GALNT11: variants seen among roughly 807,000 people sequenced by gnomAD.
The protein encoded by GALNT11 is UDP-GalNAc:polypeptide N-acetylgalactosaminyltransferase 11.
In GALNT11, 47 loss-of-function variants were observed where a neutral mutation model predicts 72.7. That is an observed-to-expected ratio of 0.65 (90% CI 0.51 to 0.82). The LOEUF (loss-of-function observed/expected upper bound fraction) is 0.82. Ranked by LOEUF, GALNT11 falls within the 40% of genes least tolerant of loss-of-function variation. GALNT11 has a pLI of 0.00. For missense variants in GALNT11, 677 were observed against 778.4 expected, an observed-to-expected ratio of 0.87 and a Z score of 1.55; for synonymous variants, 270 against 286.6, an observed-to-expected ratio of 0.94 and a Z score of 0.58.
chr7:152,119,017 A>G (rs2089170477), intron 10 of GALNT11: 2 of 348,640 alleles, frequency 5.7e-6, no homozygotes, highest in Non-Finnish European at 1.0e-5. Flanking sequence ...AACCTCCAGC[A>G]TAAATGGGTT....
chr7:152,113,252 A>T lies in GALNT11; in HGVS notation c.1087A>T (p.Met363Leu). The stretch of plus-strand genomic sequence containing the variant: ...TGTTTTTGCTTCTGGCCAGATCTGG[A>T]TGTGTGGCGGTAAGCTCTTCATCAT... Reference protein sequence around the residue: ...ENLEISFRIWMCGGKLFIIPC... With the variant: ...ENLEISFRIWLCGGKLFIIPC... The change falls in exon 8 of 12, where the codon ATG (methionine) becomes TTG (leucine). Residue 363 changes from methionine to leucine, a missense_variant. By Grantham distance (15) the Met-to-Leu change is conservative. Coordinates refer to ENST00000430044, the MANE Select transcript of GALNT11 (RefSeq NM_022087.4). 1 of 1,612,844 alleles carries T rather than the reference A, an allele frequency of 6.2e-7. No individual in the cohort carries two copies. Among genetic ancestry groups the T allele is most frequent in the Non-Finnish European group, 8.5e-7 (1 of 1,179,456 alleles).
intron 2 of GALNT11, among the ~76,000 whole-genome samples, chr7:152,098,461 T>A (rs978768501): frequency 8.6e-5 from 13 of 152,044 alleles, no homozygotes; most frequent in Non-Finnish European, 1.2e-4. Flanking sequence ...AATTTAAAAT[T>A]AAAAACATTT....
intron 1 of GALNT11, among the ~76,000 whole-genome samples, chr7:152,065,202 T>G (rs1368801449): frequency 1.3e-5 from 2 of 152,254 alleles, no homozygotes; most frequent in African/African-American, 4.8e-5. Context: ...TTTCATTCAT[T>G]TGATCTTCAA....
chr7:152,036,166 T>A (rs189117399), intron 1 of GALNT11, among the ~76,000 whole-genome samples: 1 of 152,374 alleles, frequency 6.6e-6, no homozygotes, highest in East Asian at 1.9e-4. Flanking sequence ...AGTCATGCTG[T>A]TGTGCTATCA....
chr7:152,052,750 T>C (rs1036947415), intron 1 of GALNT11, among the ~76,000 whole-genome samples: 5 of 152,250 alleles, frequency 3.3e-5, no homozygotes, highest in African/African-American at 1.2e-4. Flanking sequence ...TCTCCTTTGC[T>C]ATTATTTTCG....
chr7:152,112,493 C>T lies in GALNT11; in HGVS notation c.1081-753C>T, dbSNP rs113024863. Among the ~76,000 whole-genome samples, 137 of 151,148 alleles carry T rather than the reference C, an allele frequency of 9.1e-4. 1 individual carries two copies. The highest frequency in any genetic ancestry group is 3.1e-3 in the African/African-American group (127 of 41,190). ...GAGGCAGAGGTTGCAGTGAGCCAAG[C>T]GCCACTGCACTCTAGCCGGGGGGAC... is the stretch of plus-strand genomic sequence containing the variant. On this transcript the variant is annotated intron_variant, in intron 7 of 11. Coordinates refer to ENST00000430044, the MANE Select transcript of GALNT11 (RefSeq NM_022087.4).
intron 1 of GALNT11, among the ~76,000 whole-genome samples, chr7:152,050,140 G>A (rs73161879): frequency 0.23 from 34,272 of 151,818 alleles, 4,893 homozygotes; most frequent in Admixed American, 0.31. Context: ...GCAAGACAAA[G>A]TCCCCTTTGC....
At chr7:152,046,203 C>G (rs945032404) in intron 1 of GALNT11, among the ~76,000 whole-genome samples, 1 of 152,010 alleles carries the variant, frequency 6.6e-6, no homozygotes, top group East Asian at 1.9e-4. Flanking sequence ...GCTTTTAGAC[C>G]TCAAGGATAG....
At chr7:152,081,856 T>G (rs761194082) in intron 1 of GALNT11, among the ~76,000 whole-genome samples, 6 of 152,186 alleles carry the variant, frequency 3.9e-5, no homozygotes, top group Non-Finnish European at 7.3e-5. Flanking sequence ...ATATATACTT[T>G]TCTCATCTTT....
At chr7:152,059,705 G>C (rs1343077690) in intron 1 of GALNT11, among the ~76,000 whole-genome samples, 1 of 152,140 alleles carries the variant, frequency 6.6e-6, no homozygotes, top group Non-Finnish European at 1.5e-5. Context: ...TGATTAGTAG[G>C]TCTCAACAGT....
At chr7:152,113,198 CACA>C (rs1171804037) in intron 7 of GALNT11, 45 bp from the exon 8 acceptor site, 6 of 1,533,058 alleles carry the variant, frequency 3.9e-6, no homozygotes, top group East Asian at 2.3e-5. Context: ...ACATTGGTTT[CACA>C]ACAACATGAG....
intron 2 of GALNT11, among the ~76,000 whole-genome samples, chr7:152,097,805 A>G (rs1422346172): frequency 6.6e-6 from 1 of 152,266 alleles, no homozygotes; most frequent in Non-Finnish European, 1.5e-5. Context: ...AGGCAGGTCC[A>G]TGGAGACAGA....
chr7:152,081,404 G>A (rs2085316652), intron 1 of GALNT11, among the ~76,000 whole-genome samples: 1 of 152,202 alleles, frequency 6.6e-6, no homozygotes, highest in Non-Finnish European at 1.5e-5. Context: ...TGATGATGAT[G>A]CCGGAATGTA....
At chr7:152,090,493 C>CT (rs2085940955) in intron 1 of GALNT11, among the ~76,000 whole-genome samples, 1 of 152,218 alleles carries the variant, frequency 6.6e-6, no homozygotes, top group Non-Finnish European at 1.5e-5. Context: ...TACTTAGGTT[C>CT]TGTAGAAATC....
At chr7:152,065,806 C>T (rs762936292) in intron 1 of GALNT11, among the ~76,000 whole-genome samples, 26 of 152,176 alleles carry the variant, frequency 1.7e-4, no homozygotes, top group Non-Finnish European at 2.8e-4. Context: ...CTGAAAGCGT[C>T]ATCTCAGAGG....
rs113147141 is a variant in GALNT11, at chr7:152,074,678, C to T, written c.-38-19512C>T. 4.8e-3 allele frequency among the ~76,000 whole-genome samples: 727 copies of T among 152,192 alleles called. 7 individuals are homozygous for T. Among genetic ancestry groups the T allele is most frequent in the African/African-American group, 0.017 (696 of 41,518 alleles). On this transcript the variant is annotated intron_variant, in intron 1 of 11. Transcript: ENST00000430044. Reference sequence around the variant, plus strand: ...TGAAGTGTGAGGGAGGGTGGGAGTTCTGGAATCTGGTTAAATCTCAGTCTG... The same window carrying T: ...TGAAGTGTGAGGGAGGGTGGGAGTTTTGGAATCTGGTTAAATCTCAGTCTG...
intron 2 of GALNT11, among the ~76,000 whole-genome samples, chr7:152,095,626 A>G (rs2086322189): frequency 6.6e-6 from 1 of 152,232 alleles, no homozygotes; most frequent in African/African-American, 2.4e-5. Context: ...TTCAATTTTC[A>G]TAAAGTACAA....
intron 1 of GALNT11, among the ~76,000 whole-genome samples, chr7:152,076,469 C>T (rs1278213938): frequency 6.6e-6 from 1 of 152,202 alleles, no homozygotes; most frequent in Non-Finnish European, 1.5e-5. Flanking sequence ...AGCCAGGTCC[C>T]GCTGTGGACA....
At chr7:152,057,310 CT>C (rs761816854) in intron 1 of GALNT11, among the ~76,000 whole-genome samples, 1,887 of 137,706 alleles carry the variant, frequency 0.014, 25 homozygotes, top group African/African-American at 0.042. Context: ...ATGATTTTTC[CT>C]TTTTTTTTTT....
Sources: gnomAD v4.1 joint callset for allele counts (sites outside exome capture counted in the v4.1 genomes callset) on GRCh38, gnomAD v4.1.1 for gene constraint, MANE v1.5 for transcripts, NCBI Gene and HGNC (gene_info 2026-07-23, HGNC 2026-07-21) for gene names.